The following ERBB4 variants were observed in gnomAD, a reference collection of about 807,000 sequenced individuals.
ERBB4 encodes the protein receptor tyrosine-protein kinase erbB-4.
ERBB4 carries 42 observed loss-of-function variants against 158.0 expected under a neutral mutation model. That is an observed-to-expected ratio of 0.27 (90% CI 0.21 to 0.34). The LOEUF is 0.34. Among genes scored for constraint, ERBB4 ranks in the 10% least tolerant of loss-of-function variants. ERBB4 has a pLI of 1.00. For missense variants in ERBB4, 1,333 were observed against 1,624.1 expected (o/e 0.82, Z 3.08); for synonymous variants, 583 against 558.7 (o/e 1.04, Z -0.61).
chr2:212,504,500 GA>G (rs540608463), intron 1 of ERBB4, among the ~76,000 whole-genome samples: 2,701 of 147,130 alleles, frequency 0.018, 36 homozygotes, highest in Non-Finnish European at 0.027. Flanking sequence ...TAGAGAAATA[GA>G]AAAAAAAAAT....
intron 4 of ERBB4, among the ~76,000 whole-genome samples, chr2:211,758,343 T>G (rs1036224712): frequency 2.0e-5 from 3 of 152,174 alleles, no homozygotes; most frequent in African/African-American, 7.2e-5. Flanking sequence ...TAAAAGGTCT[T>G]AATGCTTTTT....
chr2:212,365,860 T>C (rs1366315685), intron 1 of ERBB4, among the ~76,000 whole-genome samples: 1 of 151,872 alleles, frequency 6.6e-6, no homozygotes, highest in Admixed American at 6.6e-5. Context: ...CAGGTTTCTA[T>C]TGAGGAAAAC....
intron 2 of ERBB4, among the ~76,000 whole-genome samples, chr2:212,106,479 A>T (rs1178940093): frequency 6.6e-6 from 1 of 152,232 alleles, no homozygotes; most frequent in Non-Finnish European, 1.5e-5. Context: ...GTGCTGTTAA[A>T]AGCATTTAGC....
chr2:212,058,894 CCT>C (rs2077668811), intron 2 of ERBB4, among the ~76,000 whole-genome samples: 1 of 152,110 alleles, frequency 6.6e-6, no homozygotes, highest in Non-Finnish European at 1.5e-5. Flanking sequence ...ACAGGGATGC[CCT>C]CTCTCATCAC....
At chr2:211,423,294 GTATCACACATGTCATGAATA>G (rs2125409638) in intron 23 of ERBB4, among the ~76,000 whole-genome samples, 1 of 152,038 alleles carries the variant, frequency 6.6e-6, no homozygotes, top group Non-Finnish European at 1.5e-5. Context: ...CTGTCAGAAT[GTATCACACATGTCATGAATA>G]TAAATCTGAG....
chr2:212,044,366 A>G (rs2077207881), intron 2 of ERBB4, among the ~76,000 whole-genome samples: 1 of 152,168 alleles, frequency 6.6e-6, no homozygotes, highest in Admixed American at 6.6e-5. Context: ...ATTCTATATA[A>G]AAAAACCAAA....
intron 19 of ERBB4, among the ~76,000 whole-genome samples, chr2:211,601,972 ATAAG>A (rs1312964925): frequency 6.6e-6 from 1 of 152,214 alleles, no homozygotes; most frequent in African/African-American, 2.4e-5. Context: ...TCTGTGATAA[ATAAG>A]TGAGTTCTTT....
chr2:212,234,604 T>C (rs1206599868), intron 1 of ERBB4, among the ~76,000 whole-genome samples: 20 of 152,186 alleles, frequency 1.3e-4, no homozygotes, highest in Non-Finnish European at 1.5e-5. Flanking sequence ...ACCAACAGCG[T>C]AAAAGCGTTC....
At chr2:212,529,750 C>A (rs1040566831) in intron 1 of ERBB4, among the ~76,000 whole-genome samples, 5 of 152,050 alleles carry the variant, frequency 3.3e-5, no homozygotes, top group African/African-American at 4.8e-5. Context: ...TGATTAAATG[C>A]CAGATAAGTG....
At chr2:211,965,967 T>C (rs1175285924) in intron 2 of ERBB4, among the ~76,000 whole-genome samples, 2 of 152,202 alleles carry the variant, frequency 1.3e-5, no homozygotes, top group Non-Finnish European at 2.9e-5. Context: ...ATCCCAGCAC[T>C]TTGGGAGGCC....
At chr2:212,323,931 C>T (rs977784025) in intron 1 of ERBB4, among the ~76,000 whole-genome samples, 1 of 150,558 alleles carries the variant, frequency 6.6e-6, no homozygotes, top group Non-Finnish European at 1.5e-5. Flanking sequence ...TTGCCCAGTC[C>T]GGAGCCATGC....
intron 1 of ERBB4, among the ~76,000 whole-genome samples, chr2:212,476,700 T>G (rs1689422172): frequency 6.6e-6 from 1 of 152,130 alleles, no homozygotes; most frequent in South Asian, 2.1e-4. Context: ...GAGTAAATAC[T>G]ACTTTCCTCA....
At chr2:212,144,328 T>A (rs2080591170) in intron 1 of ERBB4, among the ~76,000 whole-genome samples, 1 of 152,206 alleles carries the variant, frequency 6.6e-6, no homozygotes, top group Admixed American at 6.5e-5. Flanking sequence ...AGATTTTCCA[T>A]AAATTTAGAG....
chr2:212,083,693 A>G (rs2078514664), intron 2 of ERBB4, among the ~76,000 whole-genome samples: 1 of 151,924 alleles, frequency 6.6e-6, no homozygotes, highest in South Asian at 2.1e-4. Context: ...ACAACATAGG[A>G]TTGCACAATC....
intron 1 of ERBB4, among the ~76,000 whole-genome samples, chr2:212,536,426 C>G (rs995597661): frequency 3.4e-4 from 52 of 152,140 alleles, no homozygotes; most frequent in African/African-American, 1.3e-3. Flanking sequence ...TTTCTTTGTG[C>G]GGCCCTTTCA....
chr2:212,291,426 G>A (rs2086202166), intron 1 of ERBB4, among the ~76,000 whole-genome samples: 1 of 151,952 alleles, frequency 6.6e-6, no homozygotes, highest in Non-Finnish European at 1.5e-5. Context: ...TATTTTTAAT[G>A]GAAAGTGAAC....
intron 16 of ERBB4, among the ~76,000 whole-genome samples, chr2:211,647,051 C>T (rs1254033392): frequency 2.0e-5 from 3 of 151,626 alleles, no homozygotes; most frequent in Non-Finnish European, 4.4e-5. Context: ...TAGAATTTTA[C>T]ATAAACTCAA....
At chr2:211,725,305 C>T in intron 5 of ERBB4, 111 bp from the exon 6 acceptor site, 1 of 828,326 alleles carries the variant, frequency 1.2e-6, no homozygotes, top group Non-Finnish European at 2.1e-6. Context: ...ATTCAGCAAA[C>T]ATTTAATGAA....
At position 212,049,313 on chromosome 2, in the gene ERBB4, T is replaced by C. The variant is rs80011147; in HGVS notation, c.234+75439A>G. Among the ~76,000 whole-genome samples, 1,120 of 152,360 alleles carry C rather than the reference T, an allele frequency of 7.4e-3. 11 individuals are homozygous for C. Among genetic ancestry groups the C allele is most frequent in the African/African-American group, 0.026 (1,067 of 41,586 alleles). ...TGTGTGTTCAACTTTCCAGTTGTGC[T>C]ACAATAATTGGACCTATATGAAAGG... is the stretch of plus-strand genomic sequence containing the variant. On this transcript the variant is annotated intron_variant, in intron 2 of 27. Coordinates refer to ENST00000342788, the MANE Select transcript of ERBB4 (RefSeq NM_005235.3).
Sources: allele counts gnomAD v4.1 joint callset (sites outside exome capture counted in the v4.1 genomes callset), GRCh38; gene constraint gnomAD v4.1.1; transcripts MANE v1.5; gene names NCBI Gene and HGNC (gene_info 2026-07-23, HGNC 2026-07-21).